Variants in TCF4 observed in about 807,000 individuals in gnomAD.
TCF4 encodes transcription factor 4.
In TCF4, 3 loss-of-function variants were observed where a neutral mutation model predicts 82.1. That is an observed-to-expected ratio of 0.04 (90% CI 0.02 to 0.09). The LOEUF (loss-of-function observed/expected upper bound fraction) is 0.09, where lower values mean the gene tolerates loss of function less well. Among genes scored for constraint, TCF4 ranks in the 10% least tolerant of loss-of-function variants. TCF4 has a pLI of 1.00. For synonymous variants in TCF4, 276 were observed against 309.6 expected (o/e 0.89, Z 1.14); for missense variants, 518 against 852.7 (o/e 0.61, Z 4.89).
At chr18:55,622,469 CA>C (rs1421760679) in intron 2 of TCF4, among the ~76,000 whole-genome samples, 1 of 146,266 alleles carries the variant, frequency 6.8e-6, no homozygotes, top group African/African-American at 2.6e-5. Context: ...CACATCACTG[CA>C]CTTCAGCCTG....
chr18:55,461,645 A>G (rs977662979), intron 4 of TCF4, among the ~76,000 whole-genome samples: 1 of 152,174 alleles, frequency 6.6e-6, no homozygotes, highest in Non-Finnish European at 1.5e-5. Context: ...AGATTGTCAC[A>G]TAAGTAATTA....
At chr18:55,491,183 T>C (rs1335640248) in intron 3 of TCF4, among the ~76,000 whole-genome samples, 1 of 152,152 alleles carries the variant, frequency 6.6e-6, no homozygotes. Context: ...GTCCTTCTTT[T>C]AGTTAAGGTT....
chr18:55,376,084 G>A (rs1274702430), intron 6 of TCF4, among the ~76,000 whole-genome samples: 2 of 149,140 alleles, frequency 1.3e-5, no homozygotes, highest in Non-Finnish European at 3.0e-5. Flanking sequence ...TGCAGCGGCG[G>A]GATCTCAGCT....
chr18:55,314,579 AAAG>A (rs1437388330), intron 8 of TCF4, among the ~76,000 whole-genome samples: 1 of 151,462 alleles, frequency 6.6e-6, no homozygotes, highest in Non-Finnish European at 1.5e-5. Context: ...AAAAAAAAAA[AAAG>A]ACCACACATT....
intron 2 of TCF4, among the ~76,000 whole-genome samples, chr18:55,594,014 T>C (rs1261953321): frequency 3.3e-5 from 5 of 152,166 alleles, no homozygotes; most frequent in Non-Finnish European, 7.4e-5. Flanking sequence ...GGAGCCCTAC[T>C]CACACTGTAA....
chr18:55,337,978 C>T (rs984771055), intron 8 of TCF4, among the ~76,000 whole-genome samples: 12 of 151,974 alleles, frequency 7.9e-5, no homozygotes, highest in East Asian at 1.9e-4. Context: ...ACAGCATCTA[C>T]GGCTCTTCCT....
At chr18:55,503,864 C>A (rs1215501715) in intron 3 of TCF4, among the ~76,000 whole-genome samples, 3 of 152,122 alleles carry the variant, frequency 2.0e-5, no homozygotes, top group Non-Finnish European at 4.4e-5. Context: ...CACTTGAGGC[C>A]AGGAATTCGA....
intron 5 of TCF4, among the ~76,000 whole-genome samples, chr18:55,417,731 G>A (rs1211524537): frequency 6.6e-6 from 1 of 152,132 alleles, no homozygotes; most frequent in Admixed American, 6.5e-5. Flanking sequence ...GTAATGTAAA[G>A]ATTTGTACTT....
At chr18:55,599,501 A>C (rs1420504528) in intron 2 of TCF4, among the ~76,000 whole-genome samples, 1 of 152,218 alleles carries the variant, frequency 6.6e-6, no homozygotes, top group Non-Finnish European at 1.5e-5. Context: ...CGGGCAGATC[A>C]CTTGAGGCCA....
rs2046040800 is a variant in TCF4, at chr18:55,222,778, T to A, written c.*5257A>T. 1 of 152,672 alleles carries A rather than the reference T, an allele frequency of 6.5e-6. No individual in the cohort carries two copies. Among genetic ancestry groups the A allele is most frequent in the Non-Finnish European group, 1.5e-5 (1 of 68,048 alleles). The allele number at this position is 152,672 out of a possible 1,614,324, so 9.5% of individuals were successfully genotyped here. On this transcript the variant is annotated 3_prime_UTR_variant, in exon 20 of 20. Coordinates refer to ENST00000354452, the MANE Select transcript of TCF4 (RefSeq NM_001083962.2). Reference sequence around the variant, plus strand: ...TGTCCATTCTACAAAAATATTAACTTACAGTACATAACACTGAATAATTTT... The same window carrying A: ...TGTCCATTCTACAAAAATATTAACTAACAGTACATAACACTGAATAATTTT...
At chr18:55,320,879 G>GA (rs199880233) in intron 8 of TCF4, 430 of 148,010 alleles carry the variant, frequency 2.9e-3, no homozygotes, top group African/African-American at 5.8e-3. Flanking sequence ...CCAGACGAAG[G>GA]AAAAAAAAAA....
At chr18:55,315,139 T>G (rs1372728065) in intron 8 of TCF4, among the ~76,000 whole-genome samples, 1 of 152,050 alleles carries the variant, frequency 6.6e-6, no homozygotes, top group Non-Finnish European at 1.5e-5. Flanking sequence ...AAGCCTGCAT[T>G]TTTTTTGGTT....
intron 5 of TCF4, among the ~76,000 whole-genome samples, chr18:55,417,957 A>G (rs1208313037): frequency 6.6e-6 from 1 of 151,162 alleles, no homozygotes; most frequent in African/African-American, 2.4e-5. Flanking sequence ...CTCCAATGGT[A>G]ATTTTATCAA....
chr18:55,388,645 A>T (rs1436123703), intron 6 of TCF4, among the ~76,000 whole-genome samples: 1 of 152,140 alleles, frequency 6.6e-6, no homozygotes, highest in Admixed American at 6.5e-5. Flanking sequence ...ATCTATGAAA[A>T]GACTCTGTGG....
rs557700698 is a variant in TCF4, at chr18:55,426,118, T to C, written c.305-22600A>G. 4.4e-3 allele frequency among the ~76,000 whole-genome samples: 641 copies of C among 145,214 alleles called. 9 individuals carry two copies. The highest frequency in any genetic ancestry group is 0.015 in the African/African-American group (594 of 38,676). On this transcript the variant is annotated intron_variant, in intron 5 of 19. Coordinates refer to ENST00000354452, the MANE Select transcript of TCF4 (RefSeq NM_001083962.2). ...AAAATTTTATATATATATATATATA[T>C]ACACACACACACACACATATATTTT... is the stretch of plus-strand genomic sequence containing the variant.
upstream of TCF4, chr18:55,588,675 A>C (rs1037223057): frequency 1.5e-4 from 196 of 1,317,012 alleles, 1 homozygote; most frequent in Non-Finnish European, 3.9e-6. Context: ...TGATGCAAAA[A>C]GACTTTGCCA....
intron 11 of TCF4, chr18:55,269,530 T>G (rs556895220): frequency 1.2e-5 from 5 of 406,314 alleles, no homozygotes; most frequent in South Asian, 1.1e-4. Context: ...GCTCATCTTA[T>G]GACTTTGTTC....
chr18:55,383,799 A>G (rs774324816), intron 6 of TCF4: 6 of 152,222 alleles, frequency 3.9e-5, no homozygotes, highest in Admixed American at 1.3e-4. Context: ...TCCAAACTAC[A>G]CACATCCAAA....
chr18:55,407,821 G>T (rs2146604217), intron 5 of TCF4, among the ~76,000 whole-genome samples: 1 of 152,136 alleles, frequency 6.6e-6, no homozygotes, highest in East Asian at 1.9e-4. Context: ...TCAGCCATTT[G>T]ACTTCCAATT....
Sources: gnomAD v4.1 joint callset for allele counts (sites outside exome capture counted in the v4.1 genomes callset) on GRCh38, gnomAD v4.1.1 for gene constraint, MANE v1.5 for transcripts, NCBI Gene and HGNC (gene_info 2026-07-23, HGNC 2026-07-21) for gene names.